DNAH17: variants seen among roughly 807,000 people sequenced by gnomAD.
DNAH17 encodes the protein axonemal beta dynein heavy chain 17.
A neutral mutation model predicts 485.6 loss-of-function variants in DNAH17; 376 were observed. The observed-to-expected ratio is 0.77, with a 90% CI of 0.71 to 0.84. DNAH17 has a LOEUF of 0.84. Among genes scored for constraint, DNAH17 ranks in the 40% least tolerant of loss-of-function variants. DNAH17 has a pLI of 0.00. For synonymous variants in DNAH17, 3,031 were observed against 2,405.9 expected, an observed-to-expected ratio of 1.26 and a Z score of -7.60; for missense variants, 6,370 against 5,839.3, an observed-to-expected ratio of 1.09 and a Z score of -2.96.
intron 56 of DNAH17, among the ~76,000 whole-genome samples, chr17:78,463,962 C>T (rs1479366374): frequency 1.3e-5 from 2 of 152,218 alleles, no homozygotes; most frequent in African/African-American, 2.4e-5. Flanking sequence ...CTCCAAGGGA[C>T]ACCTTTGAAC....
At position 78,468,872 on chromosome 17, in the gene DNAH17, AGC is replaced by A; in HGVS notation, c.8521_8522del (p.Ala2841CysfsTer33). On this transcript the variant is annotated frameshift_variant, in exon 55 of 81. Transcript: ENST00000389840. LOFTEE classifies it high-confidence loss of function. ...YGIPDLKIDL[A>X]AQYIKAAVKN... is the part of the protein sequence containing the mutation. ...TCACGGCAGCCTTTATGTACTGAGC[AGC>A]GAGGTCAATCTGGACGGAGTGAGGA... is the stretch of plus-strand genomic sequence containing the variant. 2 of 1,613,290 alleles carry A rather than the reference AGC, an allele frequency of 1.2e-6. No homozygotes were observed. Among genetic ancestry groups the A allele is most frequent in the Non-Finnish European group, 8.5e-7 (1 of 1,179,756 alleles).
In DNAH17 at chr17:78,525,170, G is replaced by C; in HGVS notation, c.3712-9C>G. 6.2e-7 allele frequency: 1 copy of C among 1,610,772 alleles called. No homozygotes were observed. The highest frequency in any genetic ancestry group is 8.5e-7 in the Non-Finnish European group (1 of 1,178,652). The stretch of plus-strand genomic sequence containing the variant: ...GAGATGCTCTTTTGTTGCTAGGGGC[G>C]GCGAGGGGGCCGTCAGTAGGGCTAC... On this transcript the variant is annotated splice_polypyrimidine_tract_variant and intron_variant, in intron 24 of 80. Coordinates refer to ENST00000389840, the MANE Select transcript of DNAH17 (RefSeq NM_173628.4).
Position 78,457,742 on chromosome 17 carries a change from C to T in DNAH17, c.9977+823G>A, listed in dbSNP as rs562014434. On this transcript the variant is annotated intron_variant, in intron 62 of 80. Coordinates refer to ENST00000389840, the MANE Select transcript of DNAH17 (RefSeq NM_173628.4). ...ATGGCGCGATCTCGGCTCACTGCAA[C>T]CTCCGCCTCCTGGGTTCAGGTGATT... 6.0e-5 allele frequency among the ~76,000 whole-genome samples: 9 copies of T among 151,236 alleles called. No individual in the cohort carries two copies. In the South Asian group the frequency reaches 1.7e-3, roughly 28 times the overall value.
Position 78,529,507 on chromosome 17 carries a change from C to A in DNAH17, c.3472G>T (p.Glu1158Ter), listed in dbSNP as rs1331456456. 2.5e-6 allele frequency: 4 copies of A among 1,613,962 alleles called. No homozygotes were observed. Among genetic ancestry groups the A allele is most frequent in the Non-Finnish European group, 3.4e-6 (4 of 1,179,880 alleles). The change falls in exon 22 of 81, where the codon GAG (glutamate) becomes TAG (stop). Residue 1158 changes from glutamate (E) to a stop codon, truncating the protein, a stop_gained. Transcript: ENST00000389840. LOFTEE classifies it high-confidence loss of function. ...AAGTGGATCTCCTCTGGCATCTCCT[C>A]CCCGTAGGTCTTGAGCAGCTCGATG... is the stretch of plus-strand genomic sequence containing the variant. The part of the protein sequence containing the change: ...QTIELLKTYG[E>*]EMPEEIHLKL...
chr17:78,556,171 C>CT (rs147916786), intron 14 of DNAH17, among the ~76,000 whole-genome samples: 15,944 of 152,222 alleles, frequency 0.1, 1,021 homozygotes, highest in South Asian at 0.17. Context: ...CCTATATAAT[C>CT]TATCCATCCA....
intron 51 of DNAH17, among the ~76,000 whole-genome samples, chr17:78,478,722 C>A (rs2089213465): frequency 1.3e-5 from 2 of 149,072 alleles, no homozygotes; most frequent in South Asian, 4.2e-4. Context: ...ACCACTATTG[C>A]CATCATCACC....
At chr17:78,476,837 G>A (rs1364086180) in intron 51 of DNAH17, 104 bp from the exon 52 acceptor site, 2 of 1,378,264 alleles carry the variant, frequency 1.5e-6, no homozygotes, top group African/African-American at 1.5e-5. Flanking sequence ...CGGGGCGAGG[G>A]GACCTGTTCA....
At chr17:78,461,349 A>G (rs910426975) in intron 58 of DNAH17, among the ~76,000 whole-genome samples, 195 bp downstream of exon 58, 1 of 152,044 alleles carries the variant, frequency 6.6e-6, no homozygotes, top group Non-Finnish European at 1.5e-5. Context: ...TTTCTAAGGA[A>G]AGCCTGCTTC....
rs746980780 is a variant in DNAH17, at chr17:78,529,605, A to C, written c.3374T>G (p.Val1125Gly). Residue 1125 changes from valine (V) to glycine (G), a missense_variant, in exon 22 of 81, where the codon GTG becomes GGG. Transcript: ENST00000389840. ...CTTGACTTTCATCAGGTGCCCCATC[A>C]CCTCCACAAGCCCATCATAGTCCCC... ...KEGDYDGLVEVMGHLMKVKER... is the reference protein window; with the variant it reads ...KEGDYDGLVEGMGHLMKVKER... 2 of 1,612,456 alleles carry C rather than the reference A, an allele frequency of 1.2e-6. No individual in the cohort carries two copies. Among genetic ancestry groups the C allele is most frequent in the African/African-American group, 1.3e-5 (1 of 74,456 alleles).
chr17:78,512,211 G>C (rs1244490423), intron 26 of DNAH17, among the ~76,000 whole-genome samples: 1 of 152,232 alleles, frequency 6.6e-6, no homozygotes, highest in Non-Finnish European at 1.5e-5. Context: ...GCTAAGCATT[G>C]CCGCTGTGCA....
At chr17:78,535,750 G>A (rs2091357723) in intron 19 of DNAH17, among the ~76,000 whole-genome samples, 1 of 152,084 alleles carries the variant, frequency 6.6e-6, no homozygotes, top group Admixed American at 6.6e-5. Context: ...TTAAGCAAAT[G>A]AAACCATATT....
At chr17:78,474,123 T>G (rs1180020327) in intron 54 of DNAH17, among the ~76,000 whole-genome samples, 1 of 152,230 alleles carries the variant, frequency 6.6e-6, no homozygotes, top group Non-Finnish European at 1.5e-5. Context: ...GGTCTCTGCC[T>G]GCAGACACCT....
Position 78,450,308 on chromosome 17 carries a change from G to A in DNAH17, c.10986C>T (p.Tyr3662=), listed in dbSNP as rs1332805611. ...RPAAERASLL[Y]FILNDLNKIN... ...TTTTGTTGAGATCGTTCAGTATGAA[G>A]TAGAGCAGAGATGCCCTCTCCGCAG... is the stretch of plus-strand genomic sequence containing the variant. Residue 3662 remains tyrosine, a synonymous_variant, in exon 68 of 81, where the codon TAC becomes TAT. Coordinates refer to ENST00000389840, the MANE Select transcript of DNAH17 (RefSeq NM_173628.4). 1.2e-6 allele frequency: 2 copies of A among 1,614,002 alleles called. No individual in the cohort carries two copies. The highest frequency in any genetic ancestry group is 1.7e-6 in the Non-Finnish European group (2 of 1,179,892).
chr17:78,425,797 G>A (rs541466028), intron 79 of DNAH17, among the ~76,000 whole-genome samples: 3 of 132,228 alleles, frequency 2.3e-5, no homozygotes, highest in South Asian at 2.3e-4. Context: ...ATGAAGTATC[G>A]CTCTGTCACC....
At position 78,558,238 on chromosome 17, in the gene DNAH17, C is replaced by G. The variant is rs570301254; in HGVS notation, c.2048G>C (p.Arg683Thr). 6.2e-7 allele frequency: 1 copy of G among 1,613,676 alleles called. No homozygotes were observed. The highest frequency in any genetic ancestry group is 8.5e-7 in the Non-Finnish European group (1 of 1,179,746). ...CTGGAAATTCAAATACTTGACTTCT[C>G]TCAGAACTGCCACCAACTAAATGAC... ...NFSKALVAVL[R>T]EVKYLNFQQQ... The change falls in exon 14 of 81, where the codon AGA (arginine) becomes ACA (threonine). Residue 683 changes from arginine (R) to threonine (T), a missense_variant. Transcript: ENST00000389840.
At chr17:78,568,228 C>T (rs958991933) in intron 9 of DNAH17, among the ~76,000 whole-genome samples, 2 of 152,082 alleles carry the variant, frequency 1.3e-5, no homozygotes, top group Admixed American at 6.5e-5. Context: ...CTCCTTGGCC[C>T]AAAGTGTGAC....
At chr17:78,440,244 CTTTTTTTTTTTTT>C (rs71160296) in intron 72 of DNAH17, among the ~76,000 whole-genome samples, 4 of 40,340 alleles carry the variant, frequency 9.9e-5, no homozygotes, top group East Asian at 1.0e-3. Flanking sequence ...CGACTTCATG[CTTTTTTTTTTTTT>C]TTTTTTTTTT....
chr17:78,450,679 G>C lies in DNAH17; in HGVS notation c.10899+3C>G. ...CAGGGCACGTCACCGAGGCAGCTCTGACCTTCTCCTCGATCTCGCTGGCTG... is the reference window on the plus strand; with the variant it reads ...CAGGGCACGTCACCGAGGCAGCTCTCACCTTCTCCTCGATCTCGCTGGCTG... On this transcript the variant is annotated splice_donor_region_variant and intron_variant, in intron 67 of 80. Transcript: ENST00000389840. The C allele has an allele frequency of 2.5e-6, 4 of 1,611,496 alleles. No individual in the cohort carries two copies. The highest frequency in any genetic ancestry group is 3.4e-6 in the Non-Finnish European group (4 of 1,178,986).
intron 56 of DNAH17, among the ~76,000 whole-genome samples, chr17:78,465,417 T>C (rs935110010): frequency 2.7e-5 from 4 of 145,680 alleles, no homozygotes; most frequent in Non-Finnish European, 6.0e-5. Flanking sequence ...GGAGCCCCTC[T>C]GCCTGGCTGC....
Sources: allele counts gnomAD v4.1 joint callset (sites outside exome capture counted in the v4.1 genomes callset), GRCh38; gene constraint gnomAD v4.1.1; transcripts MANE v1.5; gene names NCBI Gene and HGNC (gene_info 2026-07-23, HGNC 2026-07-21).